The following ANK2 variants were observed in gnomAD, a reference collection of about 807,000 sequenced individuals.
ANK2 encodes ankyrin 2, also known as ankyrin-2.
A neutral mutation model predicts 360.5 loss-of-function variants in ANK2; 83 were observed. That is an observed-to-expected ratio of 0.23 (90% confidence interval 0.19 to 0.28). The LOEUF is 0.28. Among genes scored for constraint, ANK2 ranks in the 10% least tolerant of loss-of-function variants. The pLI is 1.00. For synonymous variants in ANK2, 1,740 were observed against 1,759.5 expected (o/e 0.99, Z 0.28); for missense variants, 4,201 against 4,795.7 (o/e 0.88, Z 3.66).
intron 1 of ANK2, among the ~76,000 whole-genome samples, chr4:113,157,157 ACTT>A (rs909417169): frequency 6.6e-6 from 1 of 152,042 alleles, no homozygotes; most frequent in African/African-American, 2.4e-5. Flanking sequence ...CATTTCTACT[ACTT>A]AGTTTTTACT....
At chr4:113,288,289 A>T in intron 19 of ANK2, 99 bp from the exon 20 acceptor site, 1 of 1,001,540 alleles carries the variant, frequency 1.0e-6, no homozygotes, top group Admixed American at 1.9e-5. Flanking sequence ...ATCCTATAAT[A>T]ACTGATACTC....
chr4:113,343,359 A>G (rs986130235), intron 34 of ANK2, among the ~76,000 whole-genome samples: 1 of 152,242 alleles, frequency 6.6e-6, no homozygotes. Flanking sequence ...GGATGAGAAC[A>G]GGACAAATAA....
intron 1 of ANK2, among the ~76,000 whole-genome samples, chr4:113,173,849 A>G (rs959991590): frequency 1.3e-5 from 2 of 152,176 alleles, no homozygotes; most frequent in Non-Finnish European, 2.9e-5. Context: ...ACACCTGCGA[A>G]GTAGTGCTAT....
chr4:112,809,422 A>G, the ANK2 span, among the ~76,000 whole-genome samples: 1 of 151,188 alleles, frequency 6.6e-6, no homozygotes, highest in African/African-American at 2.4e-5. Context: ...TTAGCCGGGC[A>G]TGGTGGCAGG....
chr4:112,823,235 G>A (rs1191805417), intron 1 of ANK2, among the ~76,000 whole-genome samples: 1 of 152,216 alleles, frequency 6.6e-6, no homozygotes, highest in Non-Finnish European at 1.5e-5. Context: ...TACTGGTTGA[G>A]TGAGGGTATC....
intron 1 of ANK2, among the ~76,000 whole-genome samples, chr4:113,150,424 A>G (rs1231736563): frequency 1.3e-5 from 2 of 152,180 alleles, no homozygotes; most frequent in African/African-American, 4.8e-5. Flanking sequence ...CCATCCTGCC[A>G]GTGGAGAAGG....
intron 1 of ANK2, among the ~76,000 whole-genome samples, chr4:112,821,878 T>A (rs2057154217): frequency 6.6e-6 from 1 of 151,674 alleles, no homozygotes; most frequent in African/African-American, 2.4e-5. Flanking sequence ...GCCATCCTCC[T>A]ATCTCAGCCC....
intron 41 of ANK2, among the ~76,000 whole-genome samples, chr4:113,365,983 C>T (rs2096517735): frequency 1.3e-5 from 2 of 152,164 alleles, no homozygotes; most frequent in South Asian, 2.1e-4. Context: ...TCAGGGACTC[C>T]ATTCCTGCAA....
At chr4:112,992,733 T>G (rs1415908698) in intron 2 of ANK2, among the ~76,000 whole-genome samples, 5 of 152,168 alleles carry the variant, frequency 3.3e-5, no homozygotes, top group Non-Finnish European at 5.9e-5. Flanking sequence ...CCTCATGATC[T>G]CCTCTAAACT....
intron 1 of ANK2, among the ~76,000 whole-genome samples, chr4:113,084,013 C>T (rs1209338572): frequency 6.6e-6 from 1 of 151,990 alleles, no homozygotes; most frequent in Non-Finnish European, 1.5e-5. Context: ...CTCTGATTTG[C>T]GATTGTTCGG....
chr4:113,157,363 ATGT>A (rs2097341115), intron 1 of ANK2, among the ~76,000 whole-genome samples: 1 of 152,198 alleles, frequency 6.6e-6, no homozygotes, highest in Admixed American at 6.5e-5. Context: ...AGAGGGACAA[ATGT>A]TGTCTTTGAA....
intron 2 of ANK2, among the ~76,000 whole-genome samples, chr4:113,182,831 A>G (rs977949170): frequency 1.7e-4 from 26 of 152,362 alleles, no homozygotes; most frequent in African/African-American, 6.0e-4. Context: ...TCTATAAAAG[A>G]AAGAAGAGAA....
the ANK2 span, among the ~76,000 whole-genome samples, chr4:112,743,120 G>T: frequency 6.6e-6 from 1 of 152,174 alleles, no homozygotes; most frequent in East Asian, 1.9e-4. Flanking sequence ...CAATGACAGA[G>T]TTATTAGTGA....
intron 1 of ANK2, among the ~76,000 whole-genome samples, chr4:112,843,401 A>T (rs185392428): frequency 1.0e-3 from 159 of 152,356 alleles, no homozygotes; most frequent in African/African-American, 3.2e-3. Context: ...CAACAGTGGT[A>T]TGAAGAGGCT....
chr4:113,338,474 G>A (rs973443850), intron 31 of ANK2, among the ~76,000 whole-genome samples: 5 of 151,148 alleles, frequency 3.3e-5, no homozygotes, highest in Admixed American at 1.3e-4. Flanking sequence ...TGCACATCGA[G>A]AGGAACTTTT....
At chr4:113,238,191 A>G (rs548297695) in intron 7 of ANK2, among the ~76,000 whole-genome samples, 133 of 152,280 alleles carry the variant, frequency 8.7e-4, no homozygotes, top group African/African-American at 2.6e-3. Context: ...AGTCACATCA[A>G]TCAATAAGAA....
rs1328730520 is a variant in ANK2 at position 112,958,219 on chromosome 4, G to C, written c.21+53705G>C. On this transcript the variant is annotated intron_variant, in intron 2 of 30. Coordinates refer to the ANK2 transcript ENST00000503271. ...GCGGCCGGGCAGAGGCTGCAATCTC[G>C]GCACTTTGGAGGCCAAGGCAGGCGG... 2.0e-5 allele frequency among the ~76,000 whole-genome samples: 3 copies of C among 151,790 alleles called. 1 individual carries two copies. Among genetic ancestry groups the C allele is most frequent in the African/African-American group, 7.3e-5 (3 of 41,106 alleles).
At chr4:113,149,626 T>C (rs1438567363) in intron 1 of ANK2, among the ~76,000 whole-genome samples, 1 of 151,600 alleles carries the variant, frequency 6.6e-6, no homozygotes, top group African/African-American at 2.4e-5. Context: ...TGTAATCCCA[T>C]CACTTTGGGA....
At chr4:113,274,675 A>G (rs2153689470) in intron 15 of ANK2, 26 bp downstream of exon 15, 2 of 1,611,374 alleles carry the variant, frequency 1.2e-6, no homozygotes. Flanking sequence ...TCATGAGAAC[A>G]TGGACCAAGA....
Sources: gnomAD v4.1 joint callset for allele counts (sites outside exome capture counted in the v4.1 genomes callset) on GRCh38, gnomAD v4.1.1 for gene constraint, MANE v1.5 for transcripts, NCBI Gene and HGNC (gene_info 2026-07-23, HGNC 2026-07-21) for gene names.